The following POU2F3 variants were observed in gnomAD, a reference collection of about 807,000 sequenced individuals.
POU2F3 encodes POU domain, class 2, transcription factor 3.
Under a neutral mutation model 59.2 loss-of-function variants are expected in POU2F3, and 23 were observed. The observed-to-expected ratio is 0.39, with a 90% confidence interval of 0.28 to 0.55. The LOEUF is 0.55. Among genes scored for constraint, POU2F3 ranks in the 20% least tolerant of loss-of-function variants. The pLI, the probability that POU2F3 is intolerant of heterozygous loss-of-function variation, is 0.66. For missense variants in POU2F3, 473 were observed against 544.5 expected, an observed-to-expected ratio of 0.87 and a Z score of 1.31; for synonymous variants, 190 against 214.6, an observed-to-expected ratio of 0.89 and a Z score of 1.00.
chr11:120,294,833 A>C (rs533010659), intron 3 of POU2F3, among the ~76,000 whole-genome samples: 9 of 152,260 alleles, frequency 5.9e-5, no homozygotes, highest in Non-Finnish European at 1.2e-4. Flanking sequence ...ATTATCTTTC[A>C]ATTTGATTGG....
intron 3 of POU2F3, among the ~76,000 whole-genome samples, chr11:120,279,113 C>G (rs948308702): frequency 6.6e-6 from 1 of 151,978 alleles, no homozygotes; most frequent in South Asian, 2.1e-4. Context: ...AGGGAATTTT[C>G]CCATCATAAC....
rs897149602 is a variant in POU2F3 at position 120,271,017 on chromosome 11, A to G, written c.132+1773A>G. Among the ~76,000 whole-genome samples, 4 of 152,274 alleles carry G rather than the reference A, an allele frequency of 2.6e-5. No individual in the cohort carries two copies. The South Asian group carries it at 8.3e-4, about 32-fold the overall frequency. On this transcript the variant is annotated intron_variant, in intron 3 of 12. Transcript: ENST00000543440. ...CCTGAAGTCACTATTAACATTTCCTAAAAGGCTGCTAATTCTGGGTACATT... is the reference window on the plus strand; with the variant it reads ...CCTGAAGTCACTATTAACATTTCCTGAAAGGCTGCTAATTCTGGGTACATT...
intron 2 of POU2F3, among the ~76,000 whole-genome samples, chr11:120,262,782 T>C (rs1187168223): frequency 1.3e-5 from 2 of 152,196 alleles, no homozygotes; most frequent in African/African-American, 4.8e-5. Context: ...CTTTGCGCAA[T>C]TGAACTGCTT....
chr11:120,293,212 G>T (rs998035846), intron 3 of POU2F3, among the ~76,000 whole-genome samples: 2 of 152,142 alleles, frequency 1.3e-5, no homozygotes, highest in Non-Finnish European at 2.9e-5. Flanking sequence ...GGTTTGATTA[G>T]AGTCCAGGGG....
rs1941871969 is a variant in POU2F3, at chr11:120,319,612, A to T, written c.*1220A>T. 6.6e-6 allele frequency: 1 copy of T among 151,620 alleles called. No homozygotes were observed. Among genetic ancestry groups the T allele is most frequent in the Admixed American group, 6.6e-5 (1 of 15,182 alleles). 9.4% of individuals were successfully genotyped at this position (151,620 alleles called of 1,614,324 possible). Reference sequence around the variant, plus strand: ...CCACCACCAAAAATTAGCCCAGCTAATTTTTGTATTTTTAGTAGAGATGGG... The same window carrying T: ...CCACCACCAAAAATTAGCCCAGCTATTTTTTGTATTTTTAGTAGAGATGGG... On this transcript the variant is annotated 3_prime_UTR_variant, in exon 13 of 13. Coordinates refer to ENST00000543440, the MANE Select transcript of POU2F3 (RefSeq NM_014352.4).
At chr11:120,276,618 C>A (rs1158498683) in intron 3 of POU2F3, among the ~76,000 whole-genome samples, 1 of 152,166 alleles carries the variant, frequency 6.6e-6, no homozygotes, top group African/African-American at 2.4e-5. Flanking sequence ...GAGGAGCCAA[C>A]AAACCACATT....
chr11:120,244,079 A>G (rs759297729), intron 1 of POU2F3, among the ~76,000 whole-genome samples: 1 of 151,740 alleles, frequency 6.6e-6, no homozygotes, highest in Non-Finnish European at 1.5e-5. Flanking sequence ...ACCTTCTTAA[A>G]TTTCAGGAGT....
At chr11:120,239,175 A>G (rs147988341), upstream of POU2F3, among the ~76,000 whole-genome samples, 466 of 152,368 alleles carry the variant, frequency 3.1e-3, 2 homozygotes, top group Non-Finnish European at 5.4e-3. Context: ...AGACATGTTC[A>G]TGAGGAGTCC....
chr11:120,284,725 T>A (rs771004082), intron 3 of POU2F3, among the ~76,000 whole-genome samples: 3 of 152,276 alleles, frequency 2.0e-5, no homozygotes, highest in Non-Finnish European at 4.4e-5. Flanking sequence ...CAGTGACACA[T>A]GACATCACTG....
intron 3 of POU2F3, among the ~76,000 whole-genome samples, chr11:120,297,690 A>G (rs1457492834): frequency 2.6e-5 from 4 of 152,206 alleles, no homozygotes; most frequent in African/African-American, 7.2e-5. Flanking sequence ...GCCATTTAGG[A>G]TCACTATCCT....
At chr11:120,275,643 G>A (rs994918828) in intron 3 of POU2F3, among the ~76,000 whole-genome samples, 1 of 152,120 alleles carries the variant, frequency 6.6e-6, no homozygotes, top group Non-Finnish European at 1.5e-5. Context: ...AGTCCTGTGA[G>A]GCCAGAAGAG....
intron 2 of POU2F3, among the ~76,000 whole-genome samples, chr11:120,262,601 ATTTTG>A (rs754580822): frequency 1.3e-5 from 2 of 152,242 alleles, no homozygotes; most frequent in Non-Finnish European, 2.9e-5. Flanking sequence ...TCTCACAGCA[ATTTTG>A]ATGGTAAAGT....
intron 11 of POU2F3, among the ~76,000 whole-genome samples, chr11:120,316,454 C>T (rs890620320): frequency 3.9e-5 from 6 of 152,092 alleles, no homozygotes; most frequent in East Asian, 3.9e-4. Flanking sequence ...TTTGAGACAG[C>T]GTCTTGCTCT....
intron 3 of POU2F3, among the ~76,000 whole-genome samples, chr11:120,274,116 G>A (rs112525414): frequency 3.0e-5 from 3 of 100,052 alleles, no homozygotes; most frequent in African/African-American, 7.8e-5. Flanking sequence ...AGAAAGGAAG[G>A]AAGGAAGGAA....
chr11:120,305,761 C>A lies in POU2F3; in HGVS notation c.745C>A (p.Leu249Met), dbSNP rs754783571. 6.2e-7 allele frequency: 1 copy of A among 1,613,756 alleles called. No individual in the cohort carries two copies. ...FKNMCKLKPL[L>M]EKWLNDAESS... Reference sequence around the variant, plus strand: ...GAACATGTGCAAGCTCAAGCCCCTGCTGGAGAAGTGGCTGAATGATGCAGG... The same window carrying A: ...GAACATGTGCAAGCTCAAGCCCCTGATGGAGAAGTGGCTGAATGATGCAGG... Residue 249 changes from leucine (L) to methionine (M), a missense_variant, in exon 8 of 13, where the codon CTG becomes ATG. Physicochemically the swap from Leu to Met is conservative, Grantham distance 15 (BLOSUM62 2). Transcript: ENST00000543440.
At chr11:120,314,229 C>T (rs998430757) in intron 10 of POU2F3, among the ~76,000 whole-genome samples, 4 of 152,200 alleles carry the variant, frequency 2.6e-5, no homozygotes, top group Admixed American at 6.5e-5. Context: ...TGATTAATGA[C>T]GAAATAAGTA....
intron 1 of POU2F3, among the ~76,000 whole-genome samples, chr11:120,245,305 C>G (rs1158722123): frequency 1.4e-4 from 21 of 152,132 alleles, no homozygotes; most frequent in Admixed American, 1.4e-3. Flanking sequence ...CAGGTCTACC[C>G]TTTTTCCTCA....
At position 120,305,743 on chromosome 11, in the gene POU2F3, T is replaced by C; in HGVS notation, c.727T>C (p.Cys243Arg). Residue 243 changes from cysteine to arginine, a missense_variant, in exon 8 of 13, where the codon TGC becomes CGC. Transcript: ENST00000543440. ...CCTCAACCTGAGCTTCAAGAACATG[T>C]GCAAGCTCAAGCCCCTGCTGGAGAA... Reference protein sequence around the residue: ...EALNLSFKNMCKLKPLLEKWL... With the variant: ...EALNLSFKNMRKLKPLLEKWL... The C allele has an allele frequency of 6.2e-7, 1 of 1,613,884 alleles. No homozygotes were observed. The highest frequency in any genetic ancestry group is 8.5e-7 in the Non-Finnish European group (1 of 1,180,018).
intron 10 of POU2F3, among the ~76,000 whole-genome samples, chr11:120,312,034 T>G (rs1414842378): frequency 6.6e-6 from 1 of 152,136 alleles, no homozygotes; most frequent in Non-Finnish European, 1.5e-5. Context: ...ATCTAATTTG[T>G]TTGGAGAACA....
Sources: allele counts gnomAD v4.1 joint callset (sites outside exome capture counted in the v4.1 genomes callset), GRCh38; gene constraint gnomAD v4.1.1; transcripts MANE v1.5; gene names NCBI Gene and HGNC (gene_info 2026-07-23, HGNC 2026-07-21).